Variants in FHL3 observed in about 807,000 individuals in gnomAD.
FHL3 encodes the protein four and a half LIM domains 3, also known as four and a half LIM domains protein 3.
FHL3 carries 21 observed loss-of-function variants against 34.3 expected under a neutral mutation model. The observed-to-expected ratio is 0.61, with a 90% CI of 0.43 to 0.88. The LOEUF is 0.88. Ranked by LOEUF, FHL3 falls within the 40% of genes least tolerant of loss-of-function variation. The probability of loss-of-function intolerance (pLI) is 0.00; values close to 1 mark genes in which losing one functional copy is unlikely to be tolerated. For missense variants in FHL3, 333 were observed against 373.7 expected, an observed-to-expected ratio of 0.89 and a Z score of 0.90; for synonymous variants, 137 against 144.6, an observed-to-expected ratio of 0.95 and a Z score of 0.38.
At chr1:37,998,530 CCCTGGGCATGA>C (rs1260466332) in intron 3 of FHL3, among the ~76,000 whole-genome samples, 1 of 152,140 alleles carries the variant, frequency 6.6e-6, no homozygotes, top group Non-Finnish European at 1.5e-5. Flanking sequence ...AGTTCTAATG[CCCTGGGCATGA>C]CAGGTTCGGT....
In FHL3 at chr1:37,997,435, G is replaced by A. The variant is rs1646545322; in HGVS notation, c.813C>T (p.Leu271=). The change falls in exon 6 of 6, where the codon CTC becomes CTT. Residue 271 remains leucine, a synonymous_variant. Coordinates refer to ENST00000373016, the MANE Select transcript of FHL3 (RefSeq NM_004468.5). This position sits in a 1 kb window ranked among gnomAD's most constrained non-coding sequence, Gnocchi z 4.3. ...GCCCTGCCTGGCTACAGCCCTGGCA[G>A]AGCACTTGGTCTCCATCCGGTACGA... ...QGFVPDGDQV[L]CQGCSQAGP 5.0e-6 allele frequency: 8 copies of A among 1,614,028 alleles called. No individual in the cohort carries two copies. The highest frequency in any genetic ancestry group is 4.4e-5 in the South Asian group (4 of 91,082).
At chr1:37,999,904 A>T (rs534456179) in intron 1 of FHL3, among the ~76,000 whole-genome samples, 1 of 152,336 alleles carries the variant, frequency 6.6e-6, no homozygotes, top group Admixed American at 6.5e-5. Flanking sequence ...AGAGCTCTGG[A>T]GTACAGAACT....
chr1:38,002,292 G>A (rs938242410), intron 1 of FHL3, among the ~76,000 whole-genome samples: 3 of 152,012 alleles, frequency 2.0e-5, no homozygotes, highest in African/African-American at 7.3e-5. Context: ...TAGAGACGGG[G>A]TTTCACTGTG....
intron 1 of FHL3, among the ~76,000 whole-genome samples, chr1:38,001,632 C>T (rs1205500028): frequency 2.0e-5 from 3 of 152,188 alleles, no homozygotes; most frequent in Admixed American, 1.3e-4. Flanking sequence ...CTGGGGACTG[C>T]GGGGACTGAA....
intron 1 of FHL3, among the ~76,000 whole-genome samples, chr1:38,002,444 G>A (rs965977873): frequency 2.7e-4 from 41 of 151,632 alleles, no homozygotes; most frequent in Admixed American, 5.3e-4. Flanking sequence ...ATGCTGCGCA[G>A]GCTGGTCTCA....
In FHL3 at chr1:37,999,238, G is replaced by A. The variant is rs765937565; in HGVS notation, c.156+19C>T. 1.2e-6 allele frequency: 2 copies of A among 1,614,164 alleles called. No homozygotes were observed. Among genetic ancestry groups the A allele is most frequent in the Non-Finnish European group, 8.5e-7 (1 of 1,180,004 alleles). On this transcript the variant is annotated intron_variant, in intron 2 of 5. Transcript: ENST00000373016. ...ACTGGTCACCACCCACCTCCTGCCT[G>A]GCCTGGCCCTCTCCTTACCCTCGAG...
chr1:38,005,137 G>GCCGCCC (rs1285297934), intron 1 of FHL3, among the ~76,000 whole-genome samples: 11 of 151,508 alleles, frequency 7.3e-5, no homozygotes, highest in African/African-American at 1.7e-4. Flanking sequence ...AACTCTCGCT[G>GCCGCCC]CCGCCCCCGC....
Position 37,997,825 on chromosome 1 carries a change from G to A in FHL3, c.547C>T (p.Arg183Ter), listed in dbSNP as rs778429342. The A allele has an allele frequency of 3.1e-6, 5 of 1,614,094 alleles. No individual in the cohort carries two copies. Among genetic ancestry groups the A allele is most frequent in the South Asian group, 1.1e-5 (1 of 91,084 alleles). The change falls in exon 5 of 6, where the codon CGA becomes TGA. Residue 183 changes from arginine (R) to a stop codon, truncating the protein, a stop_gained. Transcript: ENST00000373016. LOFTEE classifies it high-confidence loss of function. The surrounding 1 kb of genome is among the most constrained non-coding windows in gnomAD (Gnocchi z 4.3). ...CATCCGGTACAGACCAGACATTCTCGATGCCACGGCTGATCACGGTATGTC... is the reference window on the plus strand; with the variant it reads ...CATCCGGTACAGACCAGACATTCTCAATGCCACGGCTGATCACGGTATGTC... Reference protein sequence around the residue: ...GVTYRDQPWHRECLVCTGCQT... With the variant: ...GVTYRDQPWH
chr1:37,997,501 G>T lies in FHL3; in HGVS notation c.747C>A (p.Phe249Leu). ...FEDRHWHHNCFSCARCSTSLV... is the reference protein window; with the variant it reads ...FEDRHWHHNCLSCARCSTSLV... Reference sequence around the variant, plus strand: ...GGGAGGTAGAGCAGCGGGCGCAGGAGAAGCAGTTGTGGTGCCAGTGTCGGT... The same window carrying T: ...GGGAGGTAGAGCAGCGGGCGCAGGATAAGCAGTTGTGGTGCCAGTGTCGGT... Residue 249 changes from phenylalanine (F) to leucine (L), a missense_variant, in exon 6 of 6, where the codon TTC becomes TTA. Coordinates refer to ENST00000373016, the MANE Select transcript of FHL3 (RefSeq NM_004468.5). This position sits in a 1 kb window ranked among gnomAD's most constrained non-coding sequence, Gnocchi z 4.3. 1 of 1,612,830 alleles carries T rather than the reference G, an allele frequency of 6.2e-7. No homozygotes were observed. The highest frequency in any genetic ancestry group is 8.5e-7 in the Non-Finnish European group (1 of 1,179,522).
intron 1 of FHL3, among the ~76,000 whole-genome samples, chr1:38,004,212 G>A (rs1646621882): frequency 6.6e-6 from 1 of 152,254 alleles, no homozygotes; most frequent in South Asian, 2.1e-4. Context: ...GGGGACATGA[G>A]AGGAACAGTT....
rs1646543365 is a variant in FHL3 at position 37,997,299 on chromosome 1, G to C, written c.*106C>G. ...GAGACAATCCTGGAGCCCAGAAGGAGACCCATTTTTTTTGGCGGGGGGAGC... is the reference window on the plus strand; with the variant it reads ...GAGACAATCCTGGAGCCCAGAAGGACACCCATTTTTTTTGGCGGGGGGAGC... On this transcript the variant is annotated 3_prime_UTR_variant, in exon 6 of 6. Coordinates refer to ENST00000373016, the MANE Select transcript of FHL3 (RefSeq NM_004468.5). The surrounding 1 kb of genome is among the most constrained non-coding windows in gnomAD (Gnocchi z 4.3). 1.6e-6 allele frequency: 2 copies of C among 1,227,972 alleles called. No homozygotes were observed. The highest frequency in any genetic ancestry group is 1.5e-5 in the African/African-American group (1 of 66,022). The allele number at this position is 1,227,972 out of a possible 1,614,324, so 76.1% of individuals were successfully genotyped here.
In FHL3 at chr1:37,998,999, G is replaced by A. The variant is rs756810078; in HGVS notation, c.306C>T (p.Ser102=). The change falls in exon 3 of 6, where the codon TCC becomes TCT. Residue 102 remains serine, a synonymous_variant. Transcript: ENST00000373016. ...CYCSAFSSQC[S]ACGETVMPGS... Reference sequence around the variant, plus strand: ...CAGGCATGACAGTCTCCCCACAAGCGGAGCACTGCGAGGAAAACGCACTGC... The same window carrying A: ...CAGGCATGACAGTCTCCCCACAAGCAGAGCACTGCGAGGAAAACGCACTGC... 1.9e-5 allele frequency: 31 copies of A among 1,614,178 alleles called. No homozygotes were observed. The highest frequency in any genetic ancestry group is 1.6e-4 in the Middle Eastern group (1 of 6,062).
chr1:37,998,320 T>C (rs1646556787), intron 3 of FHL3, among the ~76,000 whole-genome samples, 188 bp from the exon 4 acceptor site: 1 of 152,134 alleles, frequency 6.6e-6, no homozygotes, highest in South Asian at 2.1e-4. Flanking sequence ...CCGGACATGA[T>C]GACCCAGCTA....
intron 1 of FHL3, among the ~76,000 whole-genome samples, chr1:38,003,950 TG>T (rs1465229965): frequency 1.3e-5 from 2 of 152,084 alleles, no homozygotes; most frequent in East Asian, 3.9e-4. Context: ...TCAATCCTTC[TG>T]CCCCCACCCC....
intron 1 of FHL3, among the ~76,000 whole-genome samples, chr1:38,002,231 T>C (rs1327256961): frequency 6.6e-6 from 1 of 151,926 alleles, no homozygotes; most frequent in Non-Finnish European, 1.5e-5. Flanking sequence ...CCCGAGTAGC[T>C]GGGACTACAG....
chr1:38,002,185 A>G (rs1322541770), intron 1 of FHL3, among the ~76,000 whole-genome samples: 1 of 147,158 alleles, frequency 6.8e-6, no homozygotes, highest in Non-Finnish European at 1.5e-5. Flanking sequence ...TGCAACCTCC[A>G]CCTCCCGGGT....
intron 1 of FHL3, among the ~76,000 whole-genome samples, chr1:38,004,923 G>A (rs1378332980): frequency 6.6e-6 from 1 of 151,962 alleles, no homozygotes; most frequent in Non-Finnish European, 1.5e-5. Context: ...CATGCCTCGG[G>A]TCTGTCCACC....
At chr1:38,000,653 G>A (rs1646584568) in intron 1 of FHL3, among the ~76,000 whole-genome samples, 2 of 152,164 alleles carry the variant, frequency 1.3e-5, no homozygotes, top group Admixed American at 1.3e-4. Context: ...CCACACAGCT[G>A]CCTCTGGAAC....
intron 1 of FHL3, among the ~76,000 whole-genome samples, chr1:38,000,876 G>C (rs1345929860): frequency 6.6e-6 from 1 of 152,110 alleles, no homozygotes; most frequent in Admixed American, 6.5e-5. Flanking sequence ...TGAGCCCGGG[G>C]AAGTTACAGG....
Sources: gnomAD v4.1 joint callset for allele counts (sites outside exome capture counted in the v4.1 genomes callset) on GRCh38, gnomAD v4.1.1 for gene constraint, Gnocchi (gnomAD v3.1) non-coding constraint, MANE v1.5 for transcripts, NCBI Gene and HGNC (gene_info 2026-07-23, HGNC 2026-07-21) for gene names.